Variants in PCDHGA2 observed in about 807,000 individuals in gnomAD.
The protein encoded by PCDHGA2 is protocadherin gamma-A2.
Under a neutral mutation model 59.2 loss-of-function variants are expected in PCDHGA2, and 40 were observed. The observed-to-expected ratio is 0.68, with a 90% CI of 0.52 to 0.88. The LOEUF is 0.88. PCDHGA2 is among the 40% of genes least tolerant of loss of function. The pLI is 0.00. For synonymous variants in PCDHGA2, 560 were observed against 526.0 expected, an observed-to-expected ratio of 1.06 and a Z score of -0.89; for missense variants, 1,226 against 1,204.0, an observed-to-expected ratio of 1.02 and a Z score of -0.27.
chr5:141,404,291 G>C, intron 1 of PCDHGA2: 1 of 1,613,956 alleles, frequency 6.2e-7, no homozygotes, highest in Non-Finnish European at 8.5e-7. Context: ...TGACATCAAT[G>C]ATAATCCACC....
intron 1 of PCDHGA2, chr5:141,384,384 C>T (rs142665639): frequency 6.2e-7 from 1 of 1,613,816 alleles, no homozygotes; most frequent in Non-Finnish European, 8.5e-7. Flanking sequence ...CCGAAGACAC[C>T]ATCCAGGGGG....
At chr5:141,412,876 A>T (rs1206092699) in intron 1 of PCDHGA2, 2 of 281,096 alleles carry the variant, frequency 7.1e-6, no homozygotes, top group Admixed American at 4.9e-5. Flanking sequence ...AAATATAATA[A>T]TCCAACAGAA....
chr5:141,421,374 C>T, intron 1 of PCDHGA2: 1 of 1,614,062 alleles, frequency 6.2e-7, no homozygotes, highest in Non-Finnish European at 8.5e-7. Flanking sequence ...TGGGCAATAT[C>T]TCCAAGGACC....
Position 141,424,520 on chromosome 5 carries a change from A to T in PCDHGA2, c.2425-70287A>T, listed in dbSNP as rs527395935. ...GTATGGAAGGTTTTTTAATGTAGTA[A>T]ATCCATATATAGAAATAACTTGATT... is the stretch of plus-strand genomic sequence containing the variant. On this transcript the variant is annotated intron_variant, in intron 1 of 3. Coordinates refer to ENST00000394576, the MANE Select transcript of PCDHGA2 (RefSeq NM_018915.4). 15 of 152,286 alleles carry T rather than the reference A, an allele frequency of 9.8e-5. No individual in the cohort carries two copies. In the East Asian group the frequency reaches 2.9e-3, roughly 29 times the overall value. The allele number at this position is 152,286 out of a possible 1,614,324, so 9.4% of individuals were successfully genotyped here. A position where few individuals can be genotyped will look rare whatever the true frequency, so the allele number is the denominator to read the frequency against.
intron 1 of PCDHGA2, chr5:141,356,485 A>G: frequency 6.2e-7 from 1 of 1,613,910 alleles, no homozygotes; most frequent in East Asian, 2.2e-5. Flanking sequence ...TGACCAGGGA[A>G]CTCCTCCACT....
intron 1 of PCDHGA2, chr5:141,408,367 G>T: frequency 6.2e-7 from 1 of 1,613,998 alleles, no homozygotes; most frequent in Non-Finnish European, 8.5e-7. Context: ...AGGATCTAGG[G>T]CTCAGTGTCC....
At chr5:141,348,151 C>G (rs17097216) in intron 1 of PCDHGA2, among the ~76,000 whole-genome samples, 2,668 of 152,182 alleles carry the variant, frequency 0.018, 76 homozygotes, top group African/African-American at 0.062. Flanking sequence ...GAGAGTTATC[C>G]AAAATTAGAC....
At chr5:141,341,708 T>C (rs973685756) in intron 1 of PCDHGA2, 5 of 497,982 alleles carry the variant, frequency 1.0e-5, no homozygotes, top group African/African-American at 5.8e-5. Context: ...AATCATCTCA[T>C]CCACCCAGAT....
At chr5:141,419,665 C>T in intron 1 of PCDHGA2, 1 of 1,612,860 alleles carries the variant, frequency 6.2e-7, no homozygotes, top group East Asian at 2.2e-5. Flanking sequence ...GGCACAATGC[C>T]TGGCTGTCCT....
At chr5:141,352,374 T>C (rs1758993649) in intron 1 of PCDHGA2, 1 of 1,614,056 alleles carries the variant, frequency 6.2e-7, no homozygotes, top group African/African-American at 1.3e-5. Flanking sequence ...GCGGTGATTC[T>C]AGCGATCGCC....
chr5:141,345,391 C>G (rs753896758), intron 1 of PCDHGA2: 6 of 1,614,164 alleles, frequency 3.7e-6, no homozygotes, highest in Non-Finnish European at 5.1e-6. Flanking sequence ...CCCACCTTCC[C>G]TCATTTATCC....
chr5:141,372,404 G>C (rs761162819), intron 1 of PCDHGA2: 4 of 1,613,930 alleles, frequency 2.5e-6, no homozygotes, highest in Admixed American at 3.3e-5. Flanking sequence ...GCTTGCAAGA[G>C]ATACAACCTG....
At chr5:141,417,888 G>T (rs1406210540) in intron 1 of PCDHGA2, 1 of 1,566,768 alleles carries the variant, frequency 6.4e-7, no homozygotes, top group Middle Eastern at 1.7e-4. Context: ...CAGAGGCGCC[G>T]GGCCGGCCCG....
rs2099706000 is a variant in PCDHGA2 at position 141,490,911 on chromosome 5, G to A, written c.2425-3896G>A. 1 of 1,613,722 alleles carries A rather than the reference G, an allele frequency of 6.2e-7. No individual in the cohort carries two copies. Among genetic ancestry groups the A allele is most frequent in the Non-Finnish European group, 8.5e-7 (1 of 1,179,746 alleles). Reference sequence around the variant, plus strand: ...CTCTGCATGTGTTTGTCCTAGACGAGAATGATAATGCCCCAGCTGTGCTGC... The same window carrying A: ...CTCTGCATGTGTTTGTCCTAGACGAAAATGATAATGCCCCAGCTGTGCTGC... On this transcript the variant is annotated intron_variant, in intron 1 of 3. Coordinates refer to ENST00000394576, the MANE Select transcript of PCDHGA2 (RefSeq NM_018915.4). This position sits in a 1 kb window ranked among gnomAD's most constrained non-coding sequence, Gnocchi z 5.4.
At chr5:141,408,723 C>G (rs1365936782) in intron 1 of PCDHGA2, 3 of 1,611,058 alleles carry the variant, frequency 1.9e-6, no homozygotes, top group Non-Finnish European at 2.5e-6. Flanking sequence ...AAGATAAACT[C>G]TAATCCTTAT....
chr5:141,490,243 G>A lies in PCDHGA2; in HGVS notation c.2425-4564G>A, dbSNP rs1431165990. 1 of 1,614,238 alleles carries A rather than the reference G, an allele frequency of 6.2e-7. No individual in the cohort carries two copies. The highest frequency in any genetic ancestry group is 8.5e-7 in the Non-Finnish European group (1 of 1,180,038). The stretch of plus-strand genomic sequence containing the variant: ...ACAGCCTGCCATGGAGGGCCACTGT[G>A]TGATTCAAGTGGATGTGGGGGATGT... On this transcript the variant is annotated intron_variant, in intron 1 of 3. Coordinates refer to ENST00000394576, the MANE Select transcript of PCDHGA2 (RefSeq NM_018915.4). This position sits in a 1 kb window ranked among gnomAD's most constrained non-coding sequence, Gnocchi z 5.4.
intron 1 of PCDHGA2, chr5:141,376,346 C>T (rs1772586691): frequency 2.5e-6 from 4 of 1,614,194 alleles, no homozygotes; most frequent in East Asian, 4.5e-5. Context: ...GACCTATTCC[C>T]ACGAGGTCTC....
intron 1 of PCDHGA2, chr5:141,410,288 T>G: frequency 6.2e-7 from 1 of 1,614,044 alleles, no homozygotes; most frequent in Non-Finnish European, 8.5e-7. Context: ...GGTGGTGGCC[T>G]TGGCCTTAAT....
chr5:141,404,745 C>T, intron 1 of PCDHGA2: 1 of 1,613,966 alleles, frequency 6.2e-7, no homozygotes, highest in Non-Finnish European at 8.5e-7. Flanking sequence ...GACAGAGACT[C>T]AGGCCAGAAT....
Sources: allele counts gnomAD v4.1 joint callset (sites outside exome capture counted in the v4.1 genomes callset), GRCh38; gene constraint gnomAD v4.1.1; non-coding constraint Gnocchi (gnomAD v3.1); transcripts MANE v1.5; gene names NCBI Gene and HGNC (gene_info 2026-07-23, HGNC 2026-07-21).